The following TCF12 variants were observed in gnomAD, a reference collection of about 807,000 sequenced individuals.
TCF12 encodes transcription factor 12.
TCF12 carries 45 observed loss-of-function variants against 86.0 expected under a neutral mutation model. The observed-to-expected ratio is 0.52, with a 90% CI of 0.41 to 0.67. The LOEUF (loss-of-function observed/expected upper bound fraction) is 0.67. TCF12 is among the 30% of genes least tolerant of loss of function. The probability of loss-of-function intolerance (pLI) is 0.00; values close to 1 mark genes in which losing one functional copy is unlikely to be tolerated. For missense variants in TCF12, 881 were observed against 859.9 expected (o/e 1.02, Z -0.31); for synonymous variants, 330 against 299.6 (o/e 1.10, Z -1.05).
intron 3 of TCF12, among the ~76,000 whole-genome samples, chr15:56,925,813 A>C (rs1308185665): frequency 2.6e-5 from 4 of 150,986 alleles, no homozygotes; most frequent in African/African-American, 9.9e-5. Context: ...TGAAATTGCA[A>C]ATCTAAATTG....
At chr15:57,166,489 G>C in intron 6 of TCF12, 23 bp downstream of exon 6, 1 of 1,598,726 alleles carries the variant, frequency 6.3e-7, no homozygotes, top group Non-Finnish European at 8.5e-7. Flanking sequence ...ATTAAAAAAA[G>C]CAATGAGATG....
intron 7 of TCF12, among the ~76,000 whole-genome samples, chr15:57,193,635 C>T (rs1401218966): frequency 1.3e-5 from 2 of 152,210 alleles, no homozygotes; most frequent in Non-Finnish European, 2.9e-5. Context: ...AATATATAGT[C>T]CACCAAAAGA....
chr15:57,239,765 G>A (rs2059535811), intron 12 of TCF12, among the ~76,000 whole-genome samples: 4 of 152,206 alleles, frequency 2.6e-5, no homozygotes, highest in Admixed American at 2.6e-4. Context: ...AGTACTTATG[G>A]TAACCATAAG....
chr15:57,021,650 G>A (rs1346282749), intron 3 of TCF12, among the ~76,000 whole-genome samples: 1 of 152,186 alleles, frequency 6.6e-6, no homozygotes, highest in Admixed American at 6.5e-5. Flanking sequence ...TTTTACCACA[G>A]TGACTGAAAC....
intron 3 of TCF12, among the ~76,000 whole-genome samples, chr15:56,982,450 A>G (rs2062940617): frequency 1.3e-5 from 2 of 152,226 alleles, no homozygotes; most frequent in Non-Finnish European, 2.9e-5. Flanking sequence ...AGAAAAATCC[A>G]TAATTATAGA....
chr15:56,940,828 C>A (rs1423296690), intron 3 of TCF12, among the ~76,000 whole-genome samples: 2 of 150,170 alleles, frequency 1.3e-5, no homozygotes, highest in Admixed American at 1.3e-4. Flanking sequence ...TGATCATAGC[C>A]TACTGCATCC....
chr15:57,105,546 A>G (rs1242962739), intron 5 of TCF12, among the ~76,000 whole-genome samples: 1 of 151,944 alleles, frequency 6.6e-6, no homozygotes, highest in African/African-American at 2.4e-5. Context: ...CCGAATAGCT[A>G]GGATTATAGG....
At chr15:56,976,754 C>T (rs1017092722) in intron 3 of TCF12, among the ~76,000 whole-genome samples, 8 of 151,790 alleles carry the variant, frequency 5.3e-5, no homozygotes, top group African/African-American at 1.7e-4. Context: ...CTAAATTCAC[C>T]TAGTAACTTA....
intron 6 of TCF12, among the ~76,000 whole-genome samples, chr15:57,188,291 G>C (rs1342136546): frequency 6.6e-6 from 1 of 151,666 alleles, no homozygotes; most frequent in Non-Finnish European, 1.5e-5. Flanking sequence ...TTGTACCCTG[G>C]AAACTACAAA....
At chr15:57,192,905 C>G (rs796339324) in intron 7 of TCF12, among the ~76,000 whole-genome samples, 5 of 152,162 alleles carry the variant, frequency 3.3e-5, no homozygotes, top group African/African-American at 9.7e-5. Flanking sequence ...TAACAAGTTT[C>G]AAACAGCCAG....
chr15:57,088,557 T>C (rs912470523), intron 4 of TCF12, among the ~76,000 whole-genome samples: 2 of 152,048 alleles, frequency 1.3e-5, no homozygotes, highest in Non-Finnish European at 2.9e-5. Context: ...ATCTGGAAAT[T>C]TCTGGTGTTT....
At chr15:57,217,867 A>G (rs2058395643) in intron 8 of TCF12, among the ~76,000 whole-genome samples, 1 of 152,180 alleles carries the variant, frequency 6.6e-6, no homozygotes, top group Admixed American at 6.5e-5. Context: ...CAGTTCTCCA[A>G]GGATTGAAAT....
At chr15:57,210,853 A>G (rs1237620469) in intron 8 of TCF12, among the ~76,000 whole-genome samples, 1 of 152,208 alleles carries the variant, frequency 6.6e-6, no homozygotes, top group Non-Finnish European at 1.5e-5. Flanking sequence ...ACATTTGTGT[A>G]TAATAGTCCT....
At chr15:57,053,480 C>T (rs1567326997) in intron 3 of TCF12, among the ~76,000 whole-genome samples, 1 of 152,190 alleles carries the variant, frequency 6.6e-6, no homozygotes, top group Non-Finnish European at 1.5e-5. Context: ...TGTAGTCCCA[C>T]TTGTCTGTTT....
At chr15:57,250,741 A>C (rs2060072874) in intron 13 of TCF12, among the ~76,000 whole-genome samples, 1 of 151,186 alleles carries the variant, frequency 6.6e-6, no homozygotes, top group Non-Finnish European at 1.5e-5. Context: ...AAAAAAAAGA[A>C]AAAAAATTAG....
Position 57,075,835 on chromosome 15 carries a change from T to TCTTTTCTTTCTTTCTTTCTTTC in TCF12, c.222+12012_222+12013insCTTTTCTTTCTTTCTTTCTTTC, listed in dbSNP as rs778545170. Among the ~76,000 whole-genome samples the TCTTTTCTTTCTTTCTTTCTTTC allele has an allele frequency of 2.3e-3, 113 of 50,014 alleles. 6 individuals are homozygous for TCTTTTCTTTCTTTCTTTCTTTC. The highest frequency in any genetic ancestry group is 7.7e-3 in the South Asian group (9 of 1,166). The allele number at this position is 50,014 out of a possible 152,430, so 32.8% of individuals were successfully genotyped here. The stretch of plus-strand genomic sequence containing the variant: ...CTCTCTCTCTCTCTCTCTCTCTCTC[T>TCTTTTCTTTCTTTCTTTCTTTC]TTTCTTTCTTTCTTTCTTTCTTTCT... On this transcript the variant is annotated intron_variant, in intron 4 of 20. Transcript: ENST00000333725.
chr15:56,924,284 C>T (rs2059912650), intron 3 of TCF12, among the ~76,000 whole-genome samples: 1 of 152,142 alleles, frequency 6.6e-6, no homozygotes, highest in African/African-American at 2.4e-5. Flanking sequence ...AAAAACTGTT[C>T]TGTCACCACA....
At chr15:57,095,780 G>C (rs2049281283) in intron 5 of TCF12, among the ~76,000 whole-genome samples, 2 of 152,130 alleles carry the variant, frequency 1.3e-5, no homozygotes, top group Admixed American at 1.3e-4. Flanking sequence ...TTACCTTTCT[G>C]ATAGGGTAAT....
At chr15:57,119,375 A>G (rs1303115090) in intron 5 of TCF12, among the ~76,000 whole-genome samples, 3 of 149,610 alleles carry the variant, frequency 2.0e-5, no homozygotes, top group African/African-American at 7.4e-5. Flanking sequence ...CTAGTCTCAA[A>G]CTCCTGATGT....
Sources: gnomAD v4.1 joint callset for allele counts (sites outside exome capture counted in the v4.1 genomes callset) on GRCh38, gnomAD v4.1.1 for gene constraint, MANE v1.5 for transcripts, NCBI Gene and HGNC (gene_info 2026-07-23, HGNC 2026-07-21) for gene names.